The following AARS2 variants were observed in gnomAD, a reference collection of about 807,000 sequenced individuals.
AARS2 encodes the protein alanyl-tRNA synthetase 2, mitochondrial.
AARS2 carries 78 observed loss-of-function variants against 119.7 expected under a neutral mutation model. That is an observed-to-expected ratio of 0.65 (90% CI 0.54 to 0.79). The LOEUF (loss-of-function observed/expected upper bound fraction) is 0.79. AARS2 is among the 30% of genes least tolerant of loss of function. AARS2 has a pLI of 0.00. For synonymous variants in AARS2, 502 were observed against 526.3 expected, an observed-to-expected ratio of 0.95 and a Z score of 0.63; for missense variants, 1,157 against 1,291.3, an observed-to-expected ratio of 0.90 and a Z score of 1.59.
At chr6:44,310,191 T>C (rs1786224066) in intron 5 of AARS2, 108 bp downstream of exon 5, 6 of 1,431,466 alleles carry the variant, frequency 4.2e-6, no homozygotes, top group Admixed American at 2.0e-5. Flanking sequence ...TTGGTTATTG[T>C]CCTCAGATGC....
At position 44,310,849 on chromosome 6, in the gene AARS2, A is replaced by G; in HGVS notation, c.749+145T>C. On this transcript the variant is annotated intron_variant, in intron 4 of 21. Transcript: ENST00000244571. ...AAAGACTACAATTAAATCAGTTATT[A>G]TCTATAAGGTGTTGAGAATTGTGCC... 5.1e-6 allele frequency: 5 copies of G among 981,104 alleles called. No homozygotes were observed. The South Asian group carries it at 6.1e-5, about 12-fold the overall frequency. The allele number at this position is 981,104 out of a possible 1,614,324, so 60.8% of individuals were successfully genotyped here. A position where few individuals can be genotyped will look rare whatever the true frequency, so the allele number is the denominator to read the frequency against.
Position 44,307,736 on chromosome 6 carries a change from C to T in AARS2, c.895-342G>A, listed in dbSNP as rs2153355632. On this transcript the variant is annotated intron_variant, in intron 5 of 21. Coordinates refer to ENST00000244571, the MANE Select transcript of AARS2 (RefSeq NM_020745.4). The surrounding 1 kb of genome is among the most constrained non-coding windows in gnomAD (Gnocchi z 4.4). The stretch of plus-strand genomic sequence containing the variant: ...CTTTAAAGAAGAAGAAGCTGAGGCT[C>T]AGAGGAACTCAGTGACACAAGGCTA... 2.8e-6 allele frequency: 1 copy of T among 354,930 alleles called. No individual in the cohort carries two copies. Among genetic ancestry groups the T allele is most frequent in the Non-Finnish European group, 5.4e-6 (1 of 185,972 alleles). The allele number at this position is 354,930 out of a possible 1,614,324, so 22.0% of individuals were successfully genotyped here.
Position 44,307,062 on chromosome 6 carries a change from C to A in AARS2, c.1041-31G>T, listed in dbSNP as rs1298988165. The stretch of plus-strand genomic sequence containing the variant: ...GGGGTTCAGAGCCCAGACATGAATC[C>A]CCAGCGGCTCATGGTCAGCAATATG... On this transcript the variant is annotated intron_variant, in intron 6 of 21. Transcript: ENST00000244571. This position sits in a 1 kb window ranked among gnomAD's most constrained non-coding sequence, Gnocchi z 4.4. 6.2e-7 allele frequency: 1 copy of A among 1,610,328 alleles called. No individual in the cohort carries two copies. The highest frequency in any genetic ancestry group is 8.5e-7 in the Non-Finnish European group (1 of 1,176,786).
At position 44,302,432 on chromosome 6, in the gene AARS2, C is replaced by A; in HGVS notation, c.2446G>T (p.Glu816Ter). 2 of 1,614,154 alleles carry A rather than the reference C, an allele frequency of 1.2e-6. No homozygotes were observed. Among genetic ancestry groups the A allele is most frequent in the Non-Finnish European group, 1.7e-6 (2 of 1,180,018 alleles). ...RLSLGSRDVA[E>*]ALRLSKDIGR... ...ATGTCCTTGGACAGCCTCAGTGCCT[C>A]CGCCACATCCCGGCTCCCCAGACTC... Residue 816 changes from glutamate to a stop codon, truncating the protein, a stop_gained, in exon 18 of 22, where the codon GAG becomes TAG. Transcript: ENST00000244571. LOFTEE classifies it high-confidence loss of function.
intron 4 of AARS2, among the ~76,000 whole-genome samples, chr6:44,310,749 G>A (rs1786278139): frequency 6.6e-6 from 1 of 152,172 alleles, no homozygotes; most frequent in South Asian, 2.1e-4. Context: ...AAGAAAATCT[G>A]AGATCATCAA....
chr6:44,301,035 T>C, intron 21 of AARS2, 121 bp downstream of exon 21: 1 of 935,518 alleles, frequency 1.1e-6, no homozygotes, highest in Non-Finnish European at 1.6e-6. Flanking sequence ...TCCTGGAGTA[T>C]CCTCATAGAT....
At position 44,304,641 on chromosome 6, in the gene AARS2, T is replaced by C. The variant is rs1366267309; in HGVS notation, c.1752+4A>G. 4 of 1,614,168 alleles carry C rather than the reference T, an allele frequency of 2.5e-6. No homozygotes were observed. Among genetic ancestry groups the C allele is most frequent in the Non-Finnish European group, 3.4e-6 (4 of 1,180,020 alleles). ...AATCAGCCTGGGTTGTGATGGAGAC[T>C]CACCTCTTGCCCTGCCCGCACCAGG... On this transcript the variant is annotated splice_donor_region_variant and intron_variant, in intron 12 of 21. Coordinates refer to ENST00000244571, the MANE Select transcript of AARS2 (RefSeq NM_020745.4).
At chr6:44,309,203 G>C (rs1490242711) in intron 5 of AARS2, among the ~76,000 whole-genome samples, 1 of 152,158 alleles carries the variant, frequency 6.6e-6, no homozygotes, top group Non-Finnish European at 1.5e-5. Context: ...GCTGTGATGT[G>C]GACAAGCCCA....
Position 44,310,446 on chromosome 6 carries a change from G to C in AARS2, c.750-3C>G, listed in dbSNP as rs1175946734. Reference sequence around the variant, plus strand: ...GCTGCAGGCTTCCATCTGCCTCTCTGGCCAGGGAAGGTGTGCAAGGTGAGG... The same window carrying C: ...GCTGCAGGCTTCCATCTGCCTCTCTCGCCAGGGAAGGTGTGCAAGGTGAGG... On this transcript the variant is annotated splice_region_variant and splice_polypyrimidine_tract_variant and intron_variant, in intron 4 of 21. Transcript: ENST00000244571. The C allele has an allele frequency of 6.2e-7, 1 of 1,613,162 alleles. No individual in the cohort carries two copies. Among genetic ancestry groups the C allele is most frequent in the Non-Finnish European group, 8.5e-7 (1 of 1,179,930 alleles).
rs971680475 is a variant in AARS2, at chr6:44,303,379, C to T, written c.2052G>A (p.Val684=). The change falls in exon 15 of 22, where the codon GTG becomes GTA. Residue 684 remains valine, a synonymous_variant. Transcript: ENST00000244571. ...PEQLRAVENT[V]QEAVGQDEAV... Reference sequence around the variant, plus strand: ...CCTCATCCTGCCCCACGGCCTCCTGCACAGTGTTCTCCACTGCCCGGAGCT... The same window carrying T: ...CCTCATCCTGCCCCACGGCCTCCTGTACAGTGTTCTCCACTGCCCGGAGCT... The T allele has an allele frequency of 1.9e-6, 3 of 1,614,012 alleles. No homozygotes were observed. The highest frequency in any genetic ancestry group is 3.3e-4 in the Middle Eastern group (2 of 6,062).
Position 44,307,373 on chromosome 6 carries a change from A to G in AARS2, c.916T>C (p.Leu306=). 2 of 1,607,810 alleles carry G rather than the reference A, an allele frequency of 1.2e-6. No individual in the cohort carries two copies. The highest frequency in any genetic ancestry group is 1.7e-6 in the Non-Finnish European group (2 of 1,177,644). The part of the protein sequence containing the change: ...IQQGCRAPPY[L]GRVGVADEGR... ...TCGTCTGCCACCCCTACTCGGCCCA[A>G]GTAAGGGGGTGCCCTGCAGCCCTGG... Residue 306 remains leucine (L), a synonymous_variant, in exon 6 of 22, where the codon TTG becomes CTG. Transcript: ENST00000244571. The surrounding 1 kb of genome is among the most constrained non-coding windows in gnomAD (Gnocchi z 4.4).
At chr6:44,302,263 C>T in intron 18 of AARS2, 93 bp from the exon 19 acceptor site, 1 of 1,609,488 alleles carries the variant, frequency 6.2e-7, no homozygotes, top group Non-Finnish European at 8.5e-7. Context: ...ACCCACCCTG[C>T]AGACAAATAT....
intron 12 of AARS2, 51 bp from the exon 13 acceptor site, chr6:44,304,584 T>TCC: frequency 1.2e-6 from 2 of 1,614,074 alleles, no homozygotes; most frequent in Non-Finnish European, 1.7e-6. Context: ...TCCCCTTGGC[T>TCC]CCCACTCAGG....
At chr6:44,312,409 C>T (rs1437443338) in intron 1 of AARS2, 146 bp from the exon 2 acceptor site, 1 of 797,102 alleles carries the variant, frequency 1.3e-6, no homozygotes, top group African/African-American at 1.7e-5. Flanking sequence ...TCTATGAGGA[C>T]AAACTGGGAG....
At position 44,307,018 on chromosome 6, in the gene AARS2, G is replaced by A. The variant is rs559569059; in HGVS notation, c.1054C>T (p.Arg352Trp). Reference sequence around the variant, plus strand: ...AAACGCACAGCTCGACGCAGGATCCGACGAAGAACCAGCCTAAAGGGGTTC... The same window carrying A: ...AAACGCACAGCTCGACGCAGGATCCAACGAAGAACCAGCCTAAAGGGGTTC... ...GMSGPPLVLR[R>W]ILRRAVRFSM... The change falls in exon 7 of 22, where the codon CGG (arginine) becomes TGG (tryptophan). Residue 352 changes from arginine (R) to tryptophan (W), a missense_variant. Coordinates refer to ENST00000244571, the MANE Select transcript of AARS2 (RefSeq NM_020745.4). This position sits in a 1 kb window ranked among gnomAD's most constrained non-coding sequence, Gnocchi z 4.4. The A allele has an allele frequency of 2.4e-5, 38 of 1,613,946 alleles. No homozygotes were observed. The highest frequency in any genetic ancestry group is 8.0e-5 in the African/African-American group (6 of 74,888).
Position 44,310,451 on chromosome 6 carries a change from G to C in AARS2, c.750-8C>G, listed in dbSNP as rs773487344. ...AGGCTTCCATCTGCCTCTCTGGCCA[G>C]GGAAGGTGTGCAAGGTGAGGCCCCA... On this transcript the variant is annotated splice_region_variant and splice_polypyrimidine_tract_variant and intron_variant, in intron 4 of 21. Coordinates refer to ENST00000244571, the MANE Select transcript of AARS2 (RefSeq NM_020745.4). 1.2e-6 allele frequency: 2 copies of C among 1,612,940 alleles called. No homozygotes were observed. The highest frequency in any genetic ancestry group is 1.7e-6 in the Non-Finnish European group (2 of 1,179,916).
Position 44,301,401 on chromosome 6 carries a change from CTG to C in AARS2, c.2660_2661del (p.Thr887SerfsTer4). On this transcript the variant is annotated frameshift_variant, in exon 20 of 22. Transcript: ENST00000244571. LOFTEE classifies it high-confidence loss of function. ...RHSKGPLIVDTVSAESLSVLV... is the reference protein window; with the variant it reads ...RHSKGPLIVDXVSAESLSVLV... Reference sequence around the variant, plus strand: ...CTCACTGAGAGAGACTCAGCAGAGACTGTGTCCACAATCAGAGGCCCCTTCGA... The same window carrying C: ...CTCACTGAGAGAGACTCAGCAGAGACTGTCCACAATCAGAGGCCCCTTCGA... 2 of 1,614,032 alleles carry C rather than the reference CTG, an allele frequency of 1.2e-6. No individual in the cohort carries two copies. The highest frequency in any genetic ancestry group is 2.2e-5 in the East Asian group (1 of 44,878).
In AARS2 at chr6:44,305,865, CT is replaced by C; in HGVS notation, c.1301-80del. 1 of 1,563,264 alleles carries C rather than the reference CT, an allele frequency of 6.4e-7. No individual in the cohort carries two copies. The highest frequency in any genetic ancestry group is 8.8e-7 in the Non-Finnish European group (1 of 1,137,002). On this transcript the variant is annotated intron_variant, in intron 9 of 21. Transcript: ENST00000244571. This position sits in a 1 kb window ranked among gnomAD's most constrained non-coding sequence, Gnocchi z 4.6. ...GGGGAGAAAAATAAGGTCCAGGGCC[CT>C]TCTAACCACGCAGAAGCCACCAGAT...
chr6:44,302,661 C>A, intron 17 of AARS2, 141 bp downstream of exon 17: 5 of 1,479,940 alleles, frequency 3.4e-6, no homozygotes, highest in Non-Finnish European at 4.6e-6. Context: ...ATGCCAGCTG[C>A]CAATAGCTGA....
Sources: gnomAD v4.1 joint callset for allele counts (sites outside exome capture counted in the v4.1 genomes callset) on GRCh38, gnomAD v4.1.1 for gene constraint, Gnocchi (gnomAD v3.1) non-coding constraint, MANE v1.5 for transcripts, NCBI Gene and HGNC (gene_info 2026-07-23, HGNC 2026-07-21) for gene names.